GSE1: variants seen among roughly 807,000 people sequenced by gnomAD.
The protein encoded by GSE1 is Gse1 coiled-coil protein.
In GSE1, 32 loss-of-function variants were observed where a neutral mutation model predicts 112.6. The ratio of observed to expected loss-of-function variants is 0.28; its 90% confidence interval spans 0.21 to 0.38. The LOEUF (loss-of-function observed/expected upper bound fraction) is 0.38, where lower values mean the gene tolerates loss of function less well. Ranked by LOEUF, GSE1 falls within the 10% of genes least tolerant of loss-of-function variation. The pLI is 1.00. For synonymous variants in GSE1, 1,115 were observed against 735.6 expected, an observed-to-expected ratio of 1.52 and a Z score of -8.35; for missense variants, 2,348 against 1,699.2, an observed-to-expected ratio of 1.38 and a Z score of -6.71.
chr16:85,519,342 CCATCACTATCATCAT>C (rs2052067022), intron 2 of GSE1, among the ~76,000 whole-genome samples: 1 of 135,538 alleles, frequency 7.4e-6, no homozygotes, highest in East Asian at 2.5e-4. Flanking sequence ...ACTTTTACCA[CCATCACTATCATCAT>C]CACCATCACC....
intron 2 of GSE1, among the ~76,000 whole-genome samples, chr16:85,361,088 C>A (rs1209643511): frequency 1.3e-5 from 2 of 151,732 alleles, no homozygotes; most frequent in African/African-American, 4.8e-5. Flanking sequence ...CCCCCACAAA[C>A]ACACAGACAC....
In GSE1 at chr16:85,533,403, C is replaced by G. The variant is rs150341472; in HGVS notation, c.2465-100511C>G. 1.9e-3 allele frequency among the ~76,000 whole-genome samples: 288 copies of G among 151,650 alleles called. 1 individual carries two copies. The highest frequency in any genetic ancestry group is 6.7e-3 in the African/African-American group (279 of 41,354). On this transcript the variant is annotated intron_variant, in intron 2 of 2. Transcript: ENST00000637419. The stretch of plus-strand genomic sequence containing the variant: ...CCATTGCACTCCAGCCTGGGCGACA[C>G]AGCGAGACTCCGTTTCAAAAAAACA...
At chr16:85,231,763 T>G (rs1457492912) in intron 1 of GSE1, among the ~76,000 whole-genome samples, 1 of 152,226 alleles carries the variant, frequency 6.6e-6, no homozygotes, top group African/African-American at 2.4e-5. Flanking sequence ...ACCTTCATTT[T>G]TGTATCAAGG....
chr16:85,450,117 CTT>C (rs59854597), intron 2 of GSE1, among the ~76,000 whole-genome samples: 14 of 79,498 alleles, frequency 1.8e-4, no homozygotes, highest in African/African-American at 5.5e-4. Flanking sequence ...AGGCAGCTGA[CTT>C]TTTTTTTTTT....
At chr16:85,394,653 G>A (rs2047927005) in intron 2 of GSE1, among the ~76,000 whole-genome samples, 1 of 152,190 alleles carries the variant, frequency 6.6e-6, no homozygotes. Flanking sequence ...AGCCAGGTGT[G>A]TGGGCGTCTC....
intron 2 of GSE1, among the ~76,000 whole-genome samples, chr16:85,528,976 C>T (rs748659697): frequency 3.3e-5 from 5 of 152,140 alleles, no homozygotes; most frequent in Non-Finnish European, 7.3e-5. Context: ...TTGGCCTTTA[C>T]TCAGAATCAA....
At chr16:85,207,310 C>T (rs1393072662) in intron 1 of GSE1, among the ~76,000 whole-genome samples, 2 of 152,246 alleles carry the variant, frequency 1.3e-5, no homozygotes, top group Non-Finnish European at 2.9e-5. Context: ...TGGATTCCAA[C>T]TGGGAAGGTC....
chr16:85,522,927 G>A (rs957079878), intron 2 of GSE1, among the ~76,000 whole-genome samples: 4 of 152,086 alleles, frequency 2.6e-5, no homozygotes, highest in Non-Finnish European at 5.9e-5. Flanking sequence ...TATGTATGTT[G>A]TATGTGCATG....
chr16:85,402,158 G>C (rs140486950), intron 2 of GSE1, among the ~76,000 whole-genome samples: 5 of 152,220 alleles, frequency 3.3e-5, no homozygotes, highest in African/African-American at 1.2e-4. Flanking sequence ...GGCACACTCT[G>C]GGTGCCCTGC....
intron 1 of GSE1, among the ~76,000 whole-genome samples, chr16:85,628,874 C>T (rs982994790): frequency 1.2e-4 from 18 of 152,156 alleles, no homozygotes; most frequent in African/African-American, 4.1e-4. Context: ...CTCTGTGTAC[C>T]ACTGATAGGG....
chr16:85,553,108 T>G (rs1246795395), upstream of GSE1, among the ~76,000 whole-genome samples: 2 of 151,104 alleles, frequency 1.3e-5, no homozygotes, highest in Admixed American at 1.3e-4. Context: ...GGTTAGCGGG[T>G]GGGCGGTCTA....
intron 2 of GSE1, among the ~76,000 whole-genome samples, chr16:85,647,497 G>A (rs995162242): frequency 5.9e-5 from 9 of 152,320 alleles, no homozygotes; most frequent in African/African-American, 1.7e-4. Flanking sequence ...CAGGGTCACC[G>A]TGGGTCACCC....
At position 85,666,205 on chromosome 16, in the gene GSE1, A is replaced by G. The variant is rs955967113; in HGVS notation, c.2988A>G (p.Ala996=). 35 of 1,613,526 alleles carry G rather than the reference A, an allele frequency of 2.2e-5. No individual in the cohort carries two copies. Among genetic ancestry groups the G allele is most frequent in the Non-Finnish European group, 2.9e-5 (34 of 1,180,048 alleles). ...TGCTTCACTATATCCGGGGCGCTGC[A>G]CCCAAGGACATTCCTGTGCCGCTGT... The part of the protein sequence containing the change: ...LSMLHYIRGA[A]PKDIPVPLSH... The change falls in exon 13 of 16, where the codon GCA becomes GCG. Residue 996 remains alanine (A), a synonymous_variant. Transcript: ENST00000253458.
At chr16:85,284,555 T>C (rs2044958928) in intron 1 of GSE1, among the ~76,000 whole-genome samples, 1 of 152,188 alleles carries the variant, frequency 6.6e-6, no homozygotes, top group African/African-American at 2.4e-5. Flanking sequence ...AATTAAGGGA[T>C]TTGCTGGGTT....
In GSE1 at chr16:85,421,280, T is replaced by C. The variant is rs548474453; in HGVS notation, c.2464+63637T>C. Among the ~76,000 whole-genome samples the C allele has an allele frequency of 2.3e-3, 345 of 152,152 alleles. 1 individual carries two copies. The highest frequency in any genetic ancestry group is 7.3e-3 in the African/African-American group (302 of 41,526). On this transcript the variant is annotated intron_variant, in intron 2 of 2. Transcript: ENST00000637419. ...GTCCCTGGGGGGGTCTCTCGGGCCC[T>C]GGCCCCAGATTGCAGGGGGATGGGA...
intron 1 of GSE1, among the ~76,000 whole-genome samples, chr16:85,632,929 T>C (rs2049663162): frequency 1.3e-5 from 2 of 152,196 alleles, no homozygotes; most frequent in South Asian, 4.1e-4. Context: ...GTGGGCGGAC[T>C]GAGGGCTTGT....
chr16:85,199,501 A>G lies in GSE1; in HGVS notation c.2283+27694A>G, dbSNP rs1303077647. On this transcript the variant is annotated intron_variant, in intron 1 of 2. Transcript: ENST00000637419. ...GTAAACACCCTCTCCAAGAATACAA[A>G]CCAGAGTGTCCAGCTGCGTTTAATT... Among the ~76,000 whole-genome samples, 8 of 152,194 alleles carry G rather than the reference A, an allele frequency of 5.3e-5. No individual in the cohort carries two copies. The East Asian group carries it at 1.3e-3, about 26-fold the overall frequency.
At chr16:85,452,551 C>T (rs1249747122) in intron 2 of GSE1, among the ~76,000 whole-genome samples, 2 of 152,246 alleles carry the variant, frequency 1.3e-5, no homozygotes, top group African/African-American at 2.4e-5. Context: ...GTCTAAAGGA[C>T]GCAGATTCTC....
intron 1 of GSE1, among the ~76,000 whole-genome samples, chr16:85,589,632 T>C (rs913861795): frequency 1.3e-5 from 2 of 152,192 alleles, no homozygotes; most frequent in African/African-American, 2.4e-5. Flanking sequence ...TATGTGTGAA[T>C]GTCAGTGAAT....
Sources: allele counts gnomAD v4.1 joint callset (sites outside exome capture counted in the v4.1 genomes callset), GRCh38; gene constraint gnomAD v4.1.1; transcripts MANE v1.5; gene names NCBI Gene and HGNC (gene_info 2026-07-23, HGNC 2026-07-21).